Variants in AGPAT4 observed in about 807,000 individuals in gnomAD.
The protein encoded by AGPAT4 is 1-acylglycerol-3-phosphate O-acyltransferase 4.
In AGPAT4, 15 loss-of-function variants were observed where a neutral mutation model predicts 48.0. The observed-to-expected ratio is 0.31, with a 90% CI of 0.21 to 0.48. The LOEUF is 0.48. Among genes scored for constraint, AGPAT4 ranks in the 20% least tolerant of loss-of-function variants. AGPAT4 has a pLI of 0.99. For synonymous variants in AGPAT4, 178 were observed against 198.7 expected, an observed-to-expected ratio of 0.90 and a Z score of 0.88; for missense variants, 314 against 482.5, an observed-to-expected ratio of 0.65 and a Z score of 3.27.
intron 1 of AGPAT4, among the ~76,000 whole-genome samples, chr6:161,247,977 GTC>G (rs1562356263): frequency 1.2e-5 from 1 of 85,424 alleles, no homozygotes. Flanking sequence ...GTAAGACTCT[GTC>G]TCAAAAAAAA....
rs1181905000 is a variant in AGPAT4, at chr6:161,154,293, G to A, written c.366C>T (p.Ala122=). ...TTGGGACATAGGCCAGCTCTTTCTT[G>A]GCCAGGACCTTGGAGCCCTGAAACA... The part of the protein sequence containing the change: ...FGLLGGSKVL[A]KKELAYVPII... The change falls in exon 4 of 9, where the codon GCC becomes GCT. Residue 122 remains alanine, a synonymous_variant. Transcript: ENST00000320285. The surrounding 1 kb of genome is among the most constrained non-coding windows in gnomAD (Gnocchi z 7.8). The A allele has an allele frequency of 6.2e-7, 1 of 1,614,168 alleles. No homozygotes were observed. Among genetic ancestry groups the A allele is most frequent in the South Asian group, 1.1e-5 (1 of 91,072 alleles).
rs1217856002 is a variant in AGPAT4 at position 161,201,473 on chromosome 6, A to G, written c.178+30563T>C. Among the ~76,000 whole-genome samples, 1 of 152,178 alleles carries G rather than the reference A, an allele frequency of 6.6e-6. No individual in the cohort carries two copies. Among genetic ancestry groups the G allele is most frequent in the South Asian group, 2.1e-4 (1 of 4,826 alleles). On this transcript the variant is annotated intron_variant, in intron 2 of 8. Transcript: ENST00000320285. The surrounding 1 kb of genome is among the most constrained non-coding windows in gnomAD (Gnocchi z 6.0). ...AGGAGAAATGGTTTTCTGTTCTTTA[A>G]TTAGTTACTTCTGGTTTTCAAGGCT...
intron 5 of AGPAT4, among the ~76,000 whole-genome samples, chr6:161,152,275 G>A (rs1349496511): frequency 6.6e-6 from 1 of 152,002 alleles, no homozygotes; most frequent in Non-Finnish European, 1.5e-5. Context: ...AGGGCTAAGG[G>A]CAGGGCAGGC....
Position 161,165,734 on chromosome 6 carries a change from A to C in AGPAT4, c.348+514T>G, listed in dbSNP as rs1369898339. ...TCAAACTAGTTGGGAAAAAAAAAAA[A>C]CAGAATTTCAGAATAATTCTGAATT... On this transcript the variant is annotated intron_variant, in intron 3 of 8. Transcript: ENST00000320285. The surrounding 1 kb of genome is among the most constrained non-coding windows in gnomAD (Gnocchi z 5.5). 7 of 817,182 alleles carry C rather than the reference A, an allele frequency of 8.6e-6. No individual in the cohort carries two copies. Among genetic ancestry groups the C allele is most frequent in the South Asian group, 1.4e-5 (1 of 70,972 alleles). 50.6% of individuals were successfully genotyped at this position (817,182 alleles called of 1,614,324 possible).
rs368377626 is a variant in AGPAT4 at position 161,130,907 on chromosome 6, A to G, written c.*5633T>C. 43 of 519,042 alleles carry G rather than the reference A, an allele frequency of 8.3e-5. No individual in the cohort carries two copies. The highest frequency in any genetic ancestry group is 7.7e-4 in the African/African-American group (40 of 52,106). The allele number at this position is 519,042 out of a possible 1,614,324, so 32.2% of individuals were successfully genotyped here. On this transcript the variant is annotated 3_prime_UTR_variant, in exon 9 of 9. Transcript: ENST00000320285. Reference sequence around the variant, plus strand: ...AGAGAGAATGGCATTCCAAAATTCCATGGATGACTTTTCTGAATGTCCTAG... The same window carrying G: ...AGAGAGAATGGCATTCCAAAATTCCGTGGATGACTTTTCTGAATGTCCTAG...
chr6:161,228,575 CTTT>C (rs10564297), intron 2 of AGPAT4, among the ~76,000 whole-genome samples: 21,736 of 108,440 alleles, frequency 0.2, 2,135 homozygotes, highest in African/African-American at 0.22. Context: ...CACCCCCTGC[CTTT>C]TTTTTTTTTT....
In AGPAT4 at chr6:161,246,610, T is replaced by C. The variant is rs1008560225; in HGVS notation, c.-89-14308A>G. On this transcript the variant is annotated intron_variant, in intron 1 of 8. Transcript: ENST00000320285. This position sits in a 1 kb window ranked among gnomAD's most constrained non-coding sequence, Gnocchi z 5.5. ...TTTTAGTCTAGATGGGGTTTCTCCA[T>C]GTTGGTCAGGCTGGTCTCGAACTCC... Among the ~76,000 whole-genome samples, 2 of 152,194 alleles carry C rather than the reference T, an allele frequency of 1.3e-5. No individual in the cohort carries two copies. The highest frequency in any genetic ancestry group is 2.4e-5 in the African/African-American group (1 of 41,448).
At position 161,184,233 on chromosome 6, in the gene AGPAT4, C is replaced by T. The variant is rs78803662; in HGVS notation, c.179-17816G>A. 0.022 allele frequency among the ~76,000 whole-genome samples: 3,399 copies of T among 151,514 alleles called. 64 individuals are homozygous for T. Among genetic ancestry groups the T allele is most frequent in the Non-Finnish European group, 0.035 (2,396 of 67,836 alleles). The stretch of plus-strand genomic sequence containing the variant: ...GTCAGCCCAACAGGGGTGGTGGGCT[C>T]GGTGGGCATAGTGGAAATGGTGAGA... On this transcript the variant is annotated intron_variant, in intron 2 of 8. Coordinates refer to ENST00000320285, the MANE Select transcript of AGPAT4 (RefSeq NM_020133.3). This position sits in a 1 kb window ranked among gnomAD's most constrained non-coding sequence, Gnocchi z 4.8.
chr6:161,241,585 T>C lies in AGPAT4; in HGVS notation c.-89-9283A>G, dbSNP rs188530202. On this transcript the variant is annotated intron_variant, in intron 1 of 8. Coordinates refer to ENST00000320285, the MANE Select transcript of AGPAT4 (RefSeq NM_020133.3). ...AGAAAAACAAATTGGCAAGAGCTTT[T>C]ATACCTAGTCCACAGAAAGCTAGAC... 1.5e-3 allele frequency among the ~76,000 whole-genome samples: 225 copies of C among 152,344 alleles called. 2 individuals are homozygous for C. The South Asian group carries it at 0.024, about 16-fold the overall frequency.
At position 161,135,480 on chromosome 6, in the gene AGPAT4, GC is replaced by G. The variant is rs1441502435; in HGVS notation, c.*1059del. Reference sequence around the variant, plus strand: ...TGGAGTAAAATGGGAGCAGACAGGAGCCCGGAAGGAAGGCAGAAGCCTGGGG... The same window carrying G: ...TGGAGTAAAATGGGAGCAGACAGGAGCCGGAAGGAAGGCAGAAGCCTGGGG... On this transcript the variant is annotated 3_prime_UTR_variant, in exon 9 of 9. Transcript: ENST00000320285. 6.6e-6 allele frequency: 1 copy of G among 152,344 alleles called. No homozygotes were observed. The allele number at this position is 152,344 out of a possible 1,614,324, so 9.4% of individuals were successfully genotyped here.
chr6:161,166,223 A>AG lies in AGPAT4; in HGVS notation c.348+24dup. ...GCTGAACCAGAGAAATGTGTGAGGC[A>AG]GGGGGGAATGCACTTCTGACTTACC... On this transcript the variant is annotated intron_variant, in intron 3 of 8. Coordinates refer to ENST00000320285, the MANE Select transcript of AGPAT4 (RefSeq NM_020133.3). This position sits in a 1 kb window ranked among gnomAD's most constrained non-coding sequence, Gnocchi z 6.7. 6.2e-7 allele frequency: 1 copy of AG among 1,611,058 alleles called. No homozygotes were observed. The highest frequency in any genetic ancestry group is 8.5e-7 in the Non-Finnish European group (1 of 1,178,334).
Position 161,131,009 on chromosome 6 carries a change from G to A in AGPAT4, c.*5531C>T. 2.2e-6 allele frequency: 1 copy of A among 448,768 alleles called. No individual in the cohort carries two copies. 27.8% of individuals were successfully genotyped at this position (448,768 alleles called of 1,614,324 possible). ...AAGTGACATTTGTGTAATTTATTTT[G>A]GAAATGCAAAGGAATTATTATGCAG... On this transcript the variant is annotated 3_prime_UTR_variant, in exon 9 of 9. Transcript: ENST00000320285.
In AGPAT4 at chr6:161,177,548, C is replaced by CT. The variant is rs953716449; in HGVS notation, c.179-11132dup. On this transcript the variant is annotated intron_variant, in intron 2 of 8. Transcript: ENST00000320285. This position sits in a 1 kb window ranked among gnomAD's most constrained non-coding sequence, Gnocchi z 5.0. ...TATTCTAGTTAGCCATTCATCTAAT[C>CT]TTTTTTTTCAAGGTTTTTAGCTTCT... 1.3e-5 allele frequency among the ~76,000 whole-genome samples: 2 copies of CT among 152,046 alleles called. No homozygotes were observed. Among genetic ancestry groups the CT allele is most frequent in the Admixed American group, 6.6e-5 (1 of 15,260 alleles).
In AGPAT4 at chr6:161,249,449, G is replaced by C. The variant is rs982597119; in HGVS notation, c.-89-17147C>G. On this transcript the variant is annotated intron_variant, in intron 1 of 8. Coordinates refer to ENST00000320285, the MANE Select transcript of AGPAT4 (RefSeq NM_020133.3). This position sits in a 1 kb window ranked among gnomAD's most constrained non-coding sequence, Gnocchi z 6.2. ...AGGCCTAAAATCCAGCATCCATAAG[G>C]AACTTAAATAAATTTACGAGAAAAA... Among the ~76,000 whole-genome samples the C allele has an allele frequency of 6.6e-6, 1 of 151,946 alleles. No homozygotes were observed. The highest frequency in any genetic ancestry group is 1.9e-4 in the East Asian group (1 of 5,188).
chr6:161,177,619 A>T lies in AGPAT4; in HGVS notation c.179-11202T>A, dbSNP rs567642954. On this transcript the variant is annotated intron_variant, in intron 2 of 8. Coordinates refer to ENST00000320285, the MANE Select transcript of AGPAT4 (RefSeq NM_020133.3). This position sits in a 1 kb window ranked among gnomAD's most constrained non-coding sequence, Gnocchi z 5.0. ...CTCCTTTAGCTCGGAGAAGTTTGTT[A>T]TTACTGATCGTCTGAAGCCTTCTTT... Among the ~76,000 whole-genome samples the T allele has an allele frequency of 3.9e-5, 6 of 152,160 alleles. No individual in the cohort carries two copies. The South Asian group carries it at 6.2e-4, about 16-fold the overall frequency.
intron 2 of AGPAT4, among the ~76,000 whole-genome samples, chr6:161,173,864 G>T (rs1227987887): frequency 6.6e-6 from 1 of 152,154 alleles, no homozygotes; most frequent in Non-Finnish European, 1.5e-5. Flanking sequence ...TTCTACATAT[G>T]GCTAGCCAGT....
intron 1 of AGPAT4, among the ~76,000 whole-genome samples, chr6:161,250,952 T>C (rs1782789785): frequency 1.3e-5 from 2 of 152,226 alleles, no homozygotes; most frequent in Admixed American, 1.3e-4. Context: ...CCCTTGCATA[T>C]TGCTTTCTTA....
intron 2 of AGPAT4, among the ~76,000 whole-genome samples, chr6:161,181,503 CAGGGGGCGGG>C (rs72367064): frequency 0.11 from 13,247 of 126,140 alleles, 1,160 homozygotes; most frequent in Non-Finnish European, 0.15. Flanking sequence ...GTGGGGGTAG[CAGGGGGCGGG>C]GGGCGCTTCC....
Position 161,232,118 on chromosome 6 carries a change from C to T in AGPAT4, c.96G>A (p.Gln32=), listed in dbSNP as rs745574792. Reference sequence around the variant, plus strand: ...TGGGCCAGAGGAGGAGAGTGAAGAGCTGAATGGTGTTGATGATTAGCCCTG... The same window carrying T: ...TGGGCCAGAGGAGGAGAGTGAAGAGTTGAATGGTGTTGATGATTAGCCCTG... ...IASGLIINTI[Q]LFTLLLWPIN... is the part of the protein sequence containing the mutation. Residue 32 remains glutamine, a synonymous_variant, in exon 2 of 9, where the codon CAG becomes CAA. Transcript: ENST00000320285. The surrounding 1 kb of genome is among the most constrained non-coding windows in gnomAD (Gnocchi z 6.8). 7.4e-6 allele frequency: 12 copies of T among 1,614,084 alleles called. No homozygotes were observed. The highest frequency in any genetic ancestry group is 3.3e-5 in the Admixed American group (2 of 60,006).
Sources: gnomAD v4.1 joint callset for allele counts (sites outside exome capture counted in the v4.1 genomes callset) on GRCh38, gnomAD v4.1.1 for gene constraint, Gnocchi (gnomAD v3.1) non-coding constraint, MANE v1.5 for transcripts, NCBI Gene and HGNC (gene_info 2026-07-23, HGNC 2026-07-21) for gene names.